Variants in FARP1 observed in about 807,000 individuals in gnomAD.
FARP1 encodes FERM, ARH/RhoGEF and pleckstrin domain protein 1.
A neutral mutation model predicts 128.8 loss-of-function variants in FARP1; 52 were observed. The observed-to-expected ratio is 0.40, with a 90% CI of 0.32 to 0.51. FARP1 has a LOEUF of 0.51. FARP1 is among the 20% of genes least tolerant of loss of function. FARP1 has a pLI of 0.45. For missense variants in FARP1, 1,333 were observed against 1,367.9 expected, an observed-to-expected ratio of 0.97 and a Z score of 0.40; for synonymous variants, 580 against 551.8, an observed-to-expected ratio of 1.05 and a Z score of -0.72.
chr13:98,184,775 C>T (rs1223271732), intron 1 of FARP1, among the ~76,000 whole-genome samples: 2 of 152,148 alleles, frequency 1.3e-5, no homozygotes, highest in African/African-American at 4.8e-5. Context: ...GTTTCTAGTA[C>T]CGTGTCTACT....
intron 2 of FARP1, among the ~76,000 whole-genome samples, chr13:98,315,423 C>T (rs1043384760): frequency 2.6e-5 from 4 of 152,050 alleles, no homozygotes; most frequent in East Asian, 1.9e-4. Context: ...GTGTTTTATG[C>T]GAAGATGGTC....
chr13:98,187,863 A>G (rs991152849), intron 1 of FARP1, among the ~76,000 whole-genome samples: 1 of 152,174 alleles, frequency 6.6e-6, no homozygotes, highest in African/African-American at 2.4e-5. Flanking sequence ...GTCTTGTTCT[A>G]TTTTAATCTG....
At chr13:98,399,671 G>C (rs1437412588) in intron 13 of FARP1, 1 of 152,188 alleles carries the variant, frequency 6.6e-6, no homozygotes, top group Non-Finnish European at 1.5e-5. Context: ...CAGGCCTTCA[G>C]ATACCAGCCA....
chr13:98,222,316 C>G (rs1301663053), intron 2 of FARP1, among the ~76,000 whole-genome samples: 3 of 152,224 alleles, frequency 2.0e-5, no homozygotes, highest in African/African-American at 7.2e-5. Context: ...AAAACAATAA[C>G]TACCCTCTGA....
chr13:98,354,616 A>G (rs1888567981), intron 3 of FARP1, among the ~76,000 whole-genome samples: 1 of 152,250 alleles, frequency 6.6e-6, no homozygotes. Flanking sequence ...ATTAAACTAA[A>G]TATACACTAA....
At chr13:98,228,850 TG>T (rs1202494292) in intron 2 of FARP1, among the ~76,000 whole-genome samples, 3 of 152,206 alleles carry the variant, frequency 2.0e-5, no homozygotes, top group African/African-American at 7.2e-5. Context: ...AATGTTAAAA[TG>T]ATACTGAAGT....
At chr13:98,148,757 C>T (rs1409676084) in intron 1 of FARP1, among the ~76,000 whole-genome samples, 1 of 152,168 alleles carries the variant, frequency 6.6e-6, no homozygotes, top group Non-Finnish European at 1.5e-5. Flanking sequence ...TATTAATCAG[C>T]TGTGTTCTGG....
intron 1 of FARP1, among the ~76,000 whole-genome samples, chr13:98,211,633 C>T (rs1880716318): frequency 6.6e-6 from 1 of 152,186 alleles, no homozygotes; most frequent in Non-Finnish European, 1.5e-5. Context: ...CATTCCACTT[C>T]CCAGGAGTGC....
Position 98,390,009 on chromosome 13 carries a change from A to G in FARP1, c.908A>G (p.Lys303Arg). The G allele has an allele frequency of 6.2e-7, 1 of 1,614,212 alleles. No homozygotes were observed. Among genetic ancestry groups the G allele is most frequent in the Non-Finnish European group, 8.5e-7 (1 of 1,180,038 alleles). Residue 303 changes from lysine to arginine, a missense_variant, in exon 10 of 27, where the codon AAG becomes AGG. Lys to Arg is a conservative substitution (Grantham distance 26, BLOSUM62 2). Transcript: ENST00000319562. Reference protein sequence around the residue: ...EFLMASRDFCKSFWKICVEHH... With the variant: ...EFLMASRDFCRSFWKICVEHH... Reference sequence around the variant, plus strand: ...CTGATGGCCAGTCGGGATTTCTGCAAGTCCTTCTGGAAAATCTGTGTTGAA... The same window carrying G: ...CTGATGGCCAGTCGGGATTTCTGCAGGTCCTTCTGGAAAATCTGTGTTGAA...
At chr13:98,404,862 T>C (rs1339232071) in intron 13 of FARP1, 1 of 152,212 alleles carries the variant, frequency 6.6e-6, no homozygotes, top group Non-Finnish European at 1.5e-5. Context: ...CTGTCAGATA[T>C]TAGCTATTCA....
intron 2 of FARP1, among the ~76,000 whole-genome samples, chr13:98,268,465 C>G (rs1884233547): frequency 6.6e-6 from 1 of 152,118 alleles, no homozygotes; most frequent in Non-Finnish European, 1.5e-5. Flanking sequence ...GATTCTGTTT[C>G]TCCCTTCTCT....
intron 3 of FARP1, among the ~76,000 whole-genome samples, chr13:98,348,588 G>A (rs1238616969): frequency 1.3e-5 from 2 of 152,242 alleles, no homozygotes; most frequent in Non-Finnish European, 2.9e-5. Flanking sequence ...CCTGGTGAGA[G>A]GCTTTGTTAC....
intron 2 of FARP1, among the ~76,000 whole-genome samples, chr13:98,238,974 C>T (rs1164403144): frequency 6.6e-6 from 1 of 152,116 alleles, no homozygotes; most frequent in Non-Finnish European, 1.5e-5. Flanking sequence ...GCATGCGTTA[C>T]CTTTGTTGTT....
intron 13 of FARP1, chr13:98,400,792 G>C (rs908003881): frequency 6.6e-6 from 1 of 152,140 alleles, no homozygotes; most frequent in African/African-American, 2.4e-5. Context: ...CCTTCCTCTA[G>C]TGTGATGGTA....
intron 2 of FARP1, among the ~76,000 whole-genome samples, chr13:98,236,846 G>T (rs1261776483): frequency 6.6e-6 from 1 of 151,916 alleles, no homozygotes; most frequent in East Asian, 1.9e-4. Context: ...AAATAAATTC[G>T]CCAGGCGTGG....
In FARP1 at chr13:98,367,502, T is replaced by A. The variant is rs549860912; in HGVS notation, c.320-615T>A. ...CCTGTTTTCTTTCTTTTTTTTTTTTTAAATTCTGAAAAGTTGTTCATCTTA... is the reference window on the plus strand; with the variant it reads ...CCTGTTTTCTTTCTTTTTTTTTTTTAAAATTCTGAAAAGTTGTTCATCTTA... On this transcript the variant is annotated intron_variant, in intron 4 of 26. Coordinates refer to ENST00000319562, the MANE Select transcript of FARP1 (RefSeq NM_005766.4). 1.7e-3 allele frequency among the ~76,000 whole-genome samples: 264 copies of A among 151,680 alleles called. 2 individuals carry two copies. The highest frequency in any genetic ancestry group is 2.1e-3 in the South Asian group (10 of 4,800).
At chr13:98,392,313 C>A (rs368656985) in intron 11 of FARP1, among the ~76,000 whole-genome samples, 1 of 109,338 alleles carries the variant, frequency 9.1e-6, no homozygotes, top group East Asian at 2.7e-4. Flanking sequence ...GACGAAAGCT[C>A]ATCTCTACCC....
chr13:98,444,096 C>T (rs550030767), intron 24 of FARP1, among the ~76,000 whole-genome samples: 66 of 147,634 alleles, frequency 4.5e-4, no homozygotes, highest in African/African-American at 1.6e-3. Context: ...CTGGTGGCTG[C>T]GGCAGTCTTC....
At chr13:98,379,152 A>T (rs1889768830) in intron 6 of FARP1, among the ~76,000 whole-genome samples, 2 of 67,134 alleles carry the variant, frequency 3.0e-5, no homozygotes, top group Non-Finnish European at 4.7e-5. Context: ...TCTATATATA[A>T]TATATATATA....
Sources: allele counts gnomAD v4.1 joint callset (sites outside exome capture counted in the v4.1 genomes callset), GRCh38; gene constraint gnomAD v4.1.1; transcripts MANE v1.5; gene names NCBI Gene and HGNC (gene_info 2026-07-23, HGNC 2026-07-21).